GPR158: variants seen among roughly 807,000 people sequenced by gnomAD.
GPR158 encodes the protein metabotropic glycine receptor.
Under a neutral mutation model 78.2 loss-of-function variants are expected in GPR158, and 30 were observed. The observed-to-expected ratio is 0.38, with a 90% CI of 0.29 to 0.52. GPR158 has a LOEUF of 0.52. Among genes scored for constraint, GPR158 ranks in the 20% least tolerant of loss-of-function variants. GPR158 has a pLI of 0.83. For synonymous variants in GPR158, 581 were observed against 591.1 expected (o/e 0.98, Z 0.25); for missense variants, 1,463 against 1,523.5 (o/e 0.96, Z 0.66).
chr10:25,381,180 A>T lies in GPR158; in HGVS notation c.1009-14731A>T, dbSNP rs533212034. Reference sequence around the variant, plus strand: ...GAAAGAAGTGTTTCATGAAAGAGGGAATGGTCAGAAGTGTCTCATTCTGCA... The same window carrying T: ...GAAAGAAGTGTTTCATGAAAGAGGGTATGGTCAGAAGTGTCTCATTCTGCA... On this transcript the variant is annotated intron_variant, in intron 2 of 10. Coordinates refer to ENST00000376351, the MANE Select transcript of GPR158 (RefSeq NM_020752.3). Among the ~76,000 whole-genome samples, 21 of 152,310 alleles carry T rather than the reference A, an allele frequency of 1.4e-4. No individual in the cohort carries two copies. The South Asian group carries it at 4.3e-3, about 32-fold the overall frequency.
intron 2 of GPR158, among the ~76,000 whole-genome samples, chr10:25,247,551 T>G (rs1449044498): frequency 8.2e-6 from 1 of 121,886 alleles, no homozygotes; most frequent in Non-Finnish European, 1.6e-5. Flanking sequence ...CACCTATGAG[T>G]GAGAATATGC....
chr10:25,493,919 T>C (rs137959330), intron 5 of GPR158, among the ~76,000 whole-genome samples: 7 of 152,324 alleles, frequency 4.6e-5, no homozygotes, highest in Non-Finnish European at 8.8e-5. Flanking sequence ...GCTAAAGCTT[T>C]TCCTTATGGC....
At chr10:25,255,651 C>T (rs1006953589) in intron 2 of GPR158, among the ~76,000 whole-genome samples, 1 of 152,180 alleles carries the variant, frequency 6.6e-6, no homozygotes, top group African/African-American at 2.4e-5. Context: ...AGAGGCTGCC[C>T]TCAGGAGATG....
At chr10:25,527,352 A>G (rs1314646027) in intron 5 of GPR158, among the ~76,000 whole-genome samples, 1 of 152,220 alleles carries the variant, frequency 6.6e-6, no homozygotes, top group East Asian at 1.9e-4. Context: ...ATACCATAAA[A>G]TGAATCCCTA....
At chr10:25,514,196 T>G (rs1323347284) in intron 5 of GPR158, among the ~76,000 whole-genome samples, 4 of 152,144 alleles carry the variant, frequency 2.6e-5, no homozygotes, top group African/African-American at 9.7e-5. Flanking sequence ...CAGCATTAGG[T>G]GCATACATAT....
intron 2 of GPR158, among the ~76,000 whole-genome samples, chr10:25,267,282 A>G (rs573060045): frequency 6.6e-6 from 1 of 152,280 alleles, no homozygotes; most frequent in South Asian, 2.1e-4. Flanking sequence ...GAAACTTACA[A>G]TCATGGTGGA....
intron 4 of GPR158, among the ~76,000 whole-genome samples, chr10:25,421,380 A>G (rs1834748997): frequency 6.6e-6 from 1 of 152,210 alleles, no homozygotes; most frequent in Admixed American, 6.5e-5. Flanking sequence ...ATGGGAGGGA[A>G]GTATGGTATA....
intron 10 of GPR158, among the ~76,000 whole-genome samples, chr10:25,597,337 C>T (rs1370573233): frequency 6.6e-6 from 1 of 152,180 alleles, no homozygotes; most frequent in African/African-American, 2.4e-5. Context: ...CACCTATAAA[C>T]AATATGCTGT....
At chr10:25,371,792 A>G (rs1355812177) in intron 2 of GPR158, among the ~76,000 whole-genome samples, 1 of 134,462 alleles carries the variant, frequency 7.4e-6, no homozygotes, top group Admixed American at 7.5e-5. Flanking sequence ...GGACATAGGC[A>G]AGGGCAAAGA....
intron 4 of GPR158, among the ~76,000 whole-genome samples, chr10:25,445,601 A>G (rs750144207): frequency 1.3e-5 from 2 of 152,180 alleles, no homozygotes; most frequent in Non-Finnish European, 2.9e-5. Flanking sequence ...TTAATTAGGG[A>G]TCTGTTATAA....
rs746323113 is a variant in GPR158, at chr10:25,572,790, G to T, written c.1656G>T (p.Leu552Phe). ...IGWTSSVCQN[L>F]EKQISLIGQG... ...GGACTTCATCTGTGTGCCAGAATTTGGAGAAACAGATTTCACTTATTGGCC... is the reference window on the plus strand; with the variant it reads ...GGACTTCATCTGTGTGCCAGAATTTTGAGAAACAGATTTCACTTATTGGCC... The change falls in exon 7 of 11, where the codon TTG (leucine) becomes TTT (phenylalanine). Residue 552 changes from leucine to phenylalanine, a missense_variant. Leu to Phe is a conservative substitution (Grantham distance 22). Coordinates refer to ENST00000376351, the MANE Select transcript of GPR158 (RefSeq NM_020752.3). 5.0e-6 allele frequency: 8 copies of T among 1,613,698 alleles called. No individual in the cohort carries two copies. The highest frequency in any genetic ancestry group is 4.4e-5 in the South Asian group (4 of 91,068).
intron 2 of GPR158, among the ~76,000 whole-genome samples, chr10:25,294,299 T>G (rs1233438326): frequency 2.6e-5 from 4 of 152,146 alleles, no homozygotes; most frequent in Non-Finnish European, 5.9e-5. Context: ...ACTTTGTGAG[T>G]CATAACCATG....
intron 4 of GPR158, among the ~76,000 whole-genome samples, chr10:25,455,197 G>A (rs1835274627): frequency 6.6e-6 from 1 of 152,118 alleles, no homozygotes; most frequent in South Asian, 2.1e-4. Context: ...AGGTCATTCA[G>A]GTGGAAATAT....
chr10:25,194,049 C>T (rs186285826), intron 1 of GPR158, among the ~76,000 whole-genome samples: 42 of 152,330 alleles, frequency 2.8e-4, no homozygotes, highest in Admixed American at 9.8e-4. Flanking sequence ...CTCAACATTT[C>T]TTTTCCTCAC....
intron 1 of GPR158, among the ~76,000 whole-genome samples, chr10:25,186,462 T>C (rs1852686985): frequency 6.6e-6 from 1 of 151,542 alleles, no homozygotes; most frequent in Non-Finnish European, 1.5e-5. Context: ...TCAACAAAAT[T>C]GATAGACCAC....
At chr10:25,380,293 A>G (rs1425643401) in intron 2 of GPR158, among the ~76,000 whole-genome samples, 1 of 152,164 alleles carries the variant, frequency 6.6e-6, no homozygotes, top group Non-Finnish European at 1.5e-5. Context: ...TTTTACGTTG[A>G]TCACTGTTGT....
At chr10:25,346,227 A>T (rs559948729) in intron 2 of GPR158, among the ~76,000 whole-genome samples, 2,531 of 151,922 alleles carry the variant, frequency 0.017, 20 homozygotes, top group African/African-American at 0.025. Flanking sequence ...GGTGCTCTCA[A>T]TTATTTTGAA....
At chr10:25,260,900 GA>G (rs1199573193) in intron 2 of GPR158, among the ~76,000 whole-genome samples, 3 of 152,038 alleles carry the variant, frequency 2.0e-5, no homozygotes, top group Non-Finnish European at 4.4e-5. Flanking sequence ...GAAGGCATAA[GA>G]AAAAAATGTT....
chr10:25,469,067 A>T (rs1334379024), intron 5 of GPR158, among the ~76,000 whole-genome samples: 4 of 152,084 alleles, frequency 2.6e-5, no homozygotes, highest in Admixed American at 2.6e-4. Context: ...TTTTTGTCTT[A>T]CTTCACTCCC....
Sources: allele counts gnomAD v4.1 joint callset (sites outside exome capture counted in the v4.1 genomes callset), GRCh38; gene constraint gnomAD v4.1.1; transcripts MANE v1.5; gene names NCBI Gene and HGNC (gene_info 2026-07-23, HGNC 2026-07-21).